GRID2: variants seen among roughly 807,000 people sequenced by gnomAD.
GRID2 encodes glutamate ionotropic receptor delta type subunit 2, also known as glutamate receptor ionotropic, delta-2.
A neutral mutation model predicts 114.8 loss-of-function variants in GRID2; 33 were observed. The ratio of observed to expected loss-of-function variants is 0.29; its 90% CI spans 0.22 to 0.38. The LOEUF (loss-of-function observed/expected upper bound fraction) is 0.38, where lower values mean the gene tolerates loss of function less well. Among genes scored for constraint, GRID2 ranks in the 10% least tolerant of loss-of-function variants. The pLI is 1.00. For synonymous variants in GRID2, 505 were observed against 449.9 expected (o/e 1.12, Z -1.55); for missense variants, 1,184 against 1,257.7 (o/e 0.94, Z 0.89).
chr4:93,453,163 C>G (rs1722858570), intron 10 of GRID2, among the ~76,000 whole-genome samples: 1 of 151,008 alleles, frequency 6.6e-6, no homozygotes, highest in East Asian at 2.0e-4. Flanking sequence ...CTTGCTTGGC[C>G]TTTTTTTAAA....
chr4:92,838,541 G>A (rs1051854783), intron 2 of GRID2, among the ~76,000 whole-genome samples: 15 of 152,098 alleles, frequency 9.9e-5, no homozygotes, highest in Non-Finnish European at 1.9e-4. Context: ...TTTGACTAAT[G>A]AATATTAAAT....
chr4:92,796,128 C>T (rs1474660413), intron 2 of GRID2, among the ~76,000 whole-genome samples: 1 of 151,868 alleles, frequency 6.6e-6, no homozygotes, highest in Admixed American at 6.6e-5. Context: ...TATTAGGATT[C>T]TCTTCCATAG....
intron 1 of GRID2, among the ~76,000 whole-genome samples, chr4:92,326,631 A>T (rs1401241458): frequency 6.6e-6 from 1 of 152,140 alleles, no homozygotes; most frequent in Admixed American, 6.6e-5. Flanking sequence ...TAATCAGAGT[A>T]ACATTTATTA....
At chr4:92,714,535 G>GT (rs531246554) in intron 2 of GRID2, among the ~76,000 whole-genome samples, 117 of 152,304 alleles carry the variant, frequency 7.7e-4, no homozygotes, top group Non-Finnish European at 1.3e-3. Context: ...CACTGCCCTA[G>GT]TAGAGGTTCT....
At chr4:92,974,019 T>C in intron 2 of GRID2, among the ~76,000 whole-genome samples, 1 of 152,056 alleles carries the variant, frequency 6.6e-6, no homozygotes, top group East Asian at 1.9e-4. Flanking sequence ...CATCAAAAAA[T>C]AGGCAAAGGC....
At chr4:92,565,367 C>T (rs915698373) in intron 1 of GRID2, among the ~76,000 whole-genome samples, 1 of 151,896 alleles carries the variant, frequency 6.6e-6, no homozygotes, top group African/African-American at 2.4e-5. Context: ...TTTTAGTTTA[C>T]TGAATTCATA....
At chr4:92,952,505 T>A (rs939708242) in intron 2 of GRID2, among the ~76,000 whole-genome samples, 1 of 151,556 alleles carries the variant, frequency 6.6e-6, no homozygotes, top group Non-Finnish European at 1.5e-5. Flanking sequence ...TTTGTGCTTC[T>A]CCTCATGTTT....
At chr4:92,918,873 G>C (rs1010095258) in intron 2 of GRID2, among the ~76,000 whole-genome samples, 2 of 152,200 alleles carry the variant, frequency 1.3e-5, no homozygotes, top group African/African-American at 4.8e-5. Flanking sequence ...CATAAAATGA[G>C]TTAGGGAAGA....
chr4:93,766,938 T>G (rs1190009757), intron 14 of GRID2, among the ~76,000 whole-genome samples: 1 of 152,322 alleles, frequency 6.6e-6, no homozygotes, highest in East Asian at 1.9e-4. Context: ...GCTTTACACC[T>G]ATCGACGAGC....
intron 2 of GRID2, among the ~76,000 whole-genome samples, chr4:92,708,440 T>A (rs1262678121): frequency 5.3e-5 from 8 of 152,178 alleles, no homozygotes; most frequent in African/African-American, 1.9e-4. Context: ...TACTGGTTCA[T>A]GAGTTAAGGT....
intron 1 of GRID2, among the ~76,000 whole-genome samples, chr4:92,479,191 A>C (rs539431712): frequency 6.6e-6 from 1 of 152,280 alleles, no homozygotes; most frequent in East Asian, 1.9e-4. Context: ...TAATTATGAT[A>C]CATTAGTGGA....
chr4:93,422,890 C>G lies in GRID2; in HGVS notation c.1467C>G (p.Tyr489Ter). The G allele has an allele frequency of 6.2e-7, 1 of 1,613,404 alleles. No homozygotes were observed. Among genetic ancestry groups the G allele is most frequent in the Non-Finnish European group, 8.5e-7 (1 of 1,179,456 alleles). The change falls in exon 10 of 16, where the codon TAC becomes TAG. Residue 489 changes from tyrosine to a stop codon, truncating the protein, a stop_gained. Coordinates refer to ENST00000282020, the MANE Select transcript of GRID2 (RefSeq NM_001510.4). LOFTEE classifies it high-confidence loss of function. ...ACCTGGGTTTTAACTACGAAATTTA[C>G]GTAGCACCGGATCACAAATACGGAA... ...SNYLGFNYEI[Y>*]VAPDHKYGSP...
At chr4:93,100,761 C>G (rs1054713604) in intron 3 of GRID2, among the ~76,000 whole-genome samples, 2 of 151,920 alleles carry the variant, frequency 1.3e-5, no homozygotes, top group Admixed American at 6.6e-5. Context: ...CTAATCTACA[C>G]AGAGGAGGAA....
chr4:93,468,652 C>T (rs1318024921), intron 11 of GRID2, among the ~76,000 whole-genome samples: 2 of 151,974 alleles, frequency 1.3e-5, no homozygotes. Flanking sequence ...GAGGTGAGGA[C>T]AGAGAGGTCC....
intron 10 of GRID2, among the ~76,000 whole-genome samples, chr4:93,451,827 C>T (rs1722712729): frequency 6.6e-6 from 1 of 151,978 alleles, no homozygotes; most frequent in South Asian, 2.1e-4. Flanking sequence ...ATGAAGCTAA[C>T]AAGTTTTATG....
intron 13 of GRID2, among the ~76,000 whole-genome samples, chr4:93,605,828 C>T (rs1460097305): frequency 6.6e-6 from 1 of 152,120 alleles, no homozygotes; most frequent in Non-Finnish European, 1.5e-5. Context: ...TAAAATGCTG[C>T]TTTAGGAGTA....
chr4:92,526,099 A>G (rs550432198), intron 1 of GRID2, among the ~76,000 whole-genome samples: 3 of 151,986 alleles, frequency 2.0e-5, no homozygotes, highest in Admixed American at 6.6e-5. Context: ...TCTCAAATAG[A>G]TGGGTCATCT....
chr4:93,563,315 T>C (rs1322117540), intron 13 of GRID2, among the ~76,000 whole-genome samples: 1 of 151,994 alleles, frequency 6.6e-6, no homozygotes, highest in Non-Finnish European at 1.5e-5. Context: ...CTAAATGGTG[T>C]ATATCTTGTT....
chr4:92,547,396 T>G (rs1255675639), intron 1 of GRID2, among the ~76,000 whole-genome samples: 1 of 152,308 alleles, frequency 6.6e-6, no homozygotes, highest in African/African-American at 2.4e-5. Context: ...ATTTTTGAAT[T>G]TATTTTGTTT....
Sources: gnomAD v4.1 joint callset for allele counts (sites outside exome capture counted in the v4.1 genomes callset) on GRCh38, gnomAD v4.1.1 for gene constraint, MANE v1.5 for transcripts, NCBI Gene and HGNC (gene_info 2026-07-23, HGNC 2026-07-21) for gene names.